Variants in ZNF730 observed in about 807,000 individuals in gnomAD.
ZNF730 encodes the protein putative zinc finger protein 730.
A neutral mutation model predicts 12.6 loss-of-function variants in ZNF730; 12 were observed. The observed-to-expected ratio is 0.95, with a 90% CI of 0.61 to 1.54. ZNF730 has a LOEUF of 1.54. Ranked by LOEUF, ZNF730 falls within the 40% of genes most tolerant of loss-of-function variation. The pLI, the probability that ZNF730 is intolerant of heterozygous loss-of-function variation, is 0.00. For synonymous variants in ZNF730, 194 were observed against 195.8 expected, an observed-to-expected ratio of 0.99 and a Z score of 0.08; for missense variants, 643 against 583.5, an observed-to-expected ratio of 1.10 and a Z score of -1.05.
At chr19:23,116,404 C>T (rs1437568733), upstream of ZNF730, among the ~76,000 whole-genome samples, 1 of 149,794 alleles carries the variant, frequency 6.7e-6, no homozygotes, top group Admixed American at 6.7e-5. Flanking sequence ...TTTCTCTCCT[C>T]CTCCCTTCCT....
chr19:23,088,014 A>G (rs1970094499), intron 1 of ZNF730, among the ~76,000 whole-genome samples: 1 of 150,724 alleles, frequency 6.6e-6, no homozygotes, highest in African/African-American at 2.4e-5. Context: ...GTCTAGTTTT[A>G]GTTTTTGTTT....
upstream of ZNF730, chr19:23,116,847 C>T (rs1970533204): frequency 3.3e-6 from 1 of 306,036 alleles, no homozygotes; most frequent in African/African-American, 2.1e-5. Context: ...AAGTCCTGCC[C>T]GAAAAGGCTG....
chr19:23,112,512 A>G (rs1204211068), upstream of ZNF730, among the ~76,000 whole-genome samples: 2 of 152,168 alleles, frequency 1.3e-5, no homozygotes, highest in African/African-American at 4.8e-5. Flanking sequence ...TCATGAGGTC[A>G]GGAGTTTGAG....
chr19:23,094,555 C>T (rs1970219378), intron 1 of ZNF730, among the ~76,000 whole-genome samples: 1 of 152,106 alleles, frequency 6.6e-6, no homozygotes, highest in African/African-American at 2.4e-5. Flanking sequence ...GTCACTGCAA[C>T]CACCGCTTCC....
At chr19:23,089,159 C>T (rs1268900193) in intron 1 of ZNF730, among the ~76,000 whole-genome samples, 1 of 152,130 alleles carries the variant, frequency 6.6e-6, no homozygotes, top group African/African-American at 2.4e-5. Flanking sequence ...GCGTGAGCCA[C>T]CGCGCCTGGC....
chr19:23,098,037 G>A (rs1044542558), intron 1 of ZNF730, among the ~76,000 whole-genome samples: 2 of 152,048 alleles, frequency 1.3e-5, no homozygotes, highest in Non-Finnish European at 2.9e-5. Context: ...CTGGCTACTT[G>A]GGAGGCTGAG....
At chr19:23,076,222 TTTAA>T (rs1189609891) in intron 1 of ZNF730, among the ~76,000 whole-genome samples, 5 of 152,228 alleles carry the variant, frequency 3.3e-5, no homozygotes, top group Non-Finnish European at 7.3e-5. Flanking sequence ...GACACGGTAT[TTTAA>T]TTGTTAATCA....
At chr19:23,090,259 A>G (rs943225089) in intron 1 of ZNF730, among the ~76,000 whole-genome samples, 11 of 151,990 alleles carry the variant, frequency 7.2e-5, no homozygotes, top group Admixed American at 7.2e-4. Flanking sequence ...AAAAAAAAAA[A>G]AATCCCAGCT....
At chr19:23,100,770 C>T (rs1372328911) in intron 1 of ZNF730, among the ~76,000 whole-genome samples, 1 of 151,016 alleles carries the variant, frequency 6.6e-6, no homozygotes, top group African/African-American at 2.4e-5. Flanking sequence ...ATTCTCCTGC[C>T]TCATCCCCCT....
chr19:23,129,807 C>T (rs1970723098), intron 1 of ZNF730, among the ~76,000 whole-genome samples: 1 of 151,738 alleles, frequency 6.6e-6, no homozygotes, highest in Non-Finnish European at 1.5e-5. Flanking sequence ...TCCTGGCTAA[C>T]ACAGTGAAAC....
chr19:23,110,500 C>T (rs1204107140), intron 1 of ZNF730, among the ~76,000 whole-genome samples: 18 of 146,514 alleles, frequency 1.2e-4, no homozygotes, highest in South Asian at 2.2e-4. Flanking sequence ...TGGATGGTCT[C>T]GAACTTCTGA....
intron 3 of ZNF730, among the ~76,000 whole-genome samples, chr19:23,142,556 C>T (rs1490777772): frequency 3.3e-5 from 5 of 151,520 alleles, no homozygotes; most frequent in Admixed American, 1.3e-4. Context: ...GGTATGGTGG[C>T]GGGCGCCTGT....
chr19:23,133,744 A>G (rs1414492150), intron 1 of ZNF730, among the ~76,000 whole-genome samples: 1 of 152,244 alleles, frequency 6.6e-6, no homozygotes, highest in African/African-American at 2.4e-5. Context: ...TTCTAACTCA[A>G]TGTGACTTTT....
intron 3 of ZNF730, chr19:23,136,249 A>G (rs1970831352): frequency 3.1e-6 from 1 of 324,072 alleles, no homozygotes. Flanking sequence ...ATCTCTAAAA[A>G]TTCTTTCCCT....
chr19:23,093,535 C>A (rs749385260), intron 1 of ZNF730, among the ~76,000 whole-genome samples: 8 of 152,212 alleles, frequency 5.3e-5, no homozygotes, highest in Admixed American at 1.3e-4. Context: ...GCTTCCCCCC[C>A]TCATTCTTGG....
chr19:23,117,648 G>T (rs935844191), intron 1 of ZNF730, among the ~76,000 whole-genome samples: 1 of 152,310 alleles, frequency 6.6e-6, no homozygotes, highest in South Asian at 2.1e-4. Context: ...CAGTTATGGG[G>T]TGTAGCTTGT....
intron 1 of ZNF730, among the ~76,000 whole-genome samples, chr19:23,088,171 C>T (rs926041392): frequency 6.6e-6 from 1 of 151,564 alleles, no homozygotes; most frequent in East Asian, 2.0e-4. Flanking sequence ...AGGTGCCCAC[C>T]ACCACGCCTG....
rs557160957 is a variant in ZNF730, at chr19:23,099,026, C to G, written c.-94+23639C>G. ...CAGAGAGTGTCGTCATAGGAAAAAG[C>G]AAACAGATTAGATCATGTTTCTTGT... On this transcript the variant is annotated intron_variant, in intron 1 of 2. Coordinates refer to the ZNF730 transcript ENST00000593635. 2.6e-4 allele frequency among the ~76,000 whole-genome samples: 40 copies of G among 151,472 alleles called. No individual in the cohort carries two copies. In the South Asian group the frequency reaches 8.1e-3, roughly 31 times the overall value.
At chr19:23,134,038 A>C in intron 1 of ZNF730, 42 bp from the exon 2 acceptor site, 1 of 1,609,320 alleles carries the variant, frequency 6.2e-7, no homozygotes, top group Non-Finnish European at 8.5e-7. Flanking sequence ...AATTCTGCCC[A>C]GGGGCACTTG....
Sources: allele counts gnomAD v4.1 joint callset (sites outside exome capture counted in the v4.1 genomes callset), GRCh38; gene constraint gnomAD v4.1.1; transcripts MANE v1.5; gene names NCBI Gene and HGNC (gene_info 2026-07-23, HGNC 2026-07-21).